IKZF1: variants seen among roughly 807,000 people sequenced by gnomAD.
IKZF1 encodes DNA-binding protein Ikaros.
A neutral mutation model predicts 51.7 loss-of-function variants in IKZF1; 10 were observed. The ratio of observed to expected loss-of-function variants is 0.19; its 90% CI spans 0.12 to 0.33. The LOEUF (loss-of-function observed/expected upper bound fraction) is 0.33. Among genes scored for constraint, IKZF1 ranks in the 10% least tolerant of loss-of-function variants. IKZF1 has a pLI of 1.00. For missense variants in IKZF1, 484 were observed against 707.5 expected (o/e 0.68, Z 3.58); for synonymous variants, 280 against 282.3 (o/e 0.99, Z 0.08).
At chr7:50,359,447 T>C (rs1804555969) in intron 3 of IKZF1, among the ~76,000 whole-genome samples, 1 of 152,146 alleles carries the variant, frequency 6.6e-6, no homozygotes, top group Non-Finnish European at 1.5e-5. Flanking sequence ...CGGGGGAATG[T>C]GCGCAGAGTG....
intron 3 of IKZF1, among the ~76,000 whole-genome samples, chr7:50,364,700 C>G (rs1002248486): frequency 6.6e-6 from 1 of 152,204 alleles, no homozygotes; most frequent in African/African-American, 2.4e-5. Context: ...TTGCAGCTTG[C>G]CAGAAGCAAT....
At chr7:50,315,921 A>G (rs921605523) in intron 1 of IKZF1, among the ~76,000 whole-genome samples, 2 of 152,220 alleles carry the variant, frequency 1.3e-5, no homozygotes, top group Non-Finnish European at 2.9e-5. Context: ...GAAGTGATGC[A>G]CGTGCTAACA....
At chr7:50,329,602 T>C (rs905582736) in intron 3 of IKZF1, among the ~76,000 whole-genome samples, 1 of 152,178 alleles carries the variant, frequency 6.6e-6, no homozygotes, top group Non-Finnish European at 1.5e-5. Flanking sequence ...TTTGCAAAAG[T>C]GGCACAGGAA....
chr7:50,338,711 T>G (rs1179532605), intron 3 of IKZF1, among the ~76,000 whole-genome samples: 1 of 152,232 alleles, frequency 6.6e-6, no homozygotes, highest in Non-Finnish European at 1.5e-5. Flanking sequence ...TTAGACTAAA[T>G]GAAAGCTCTT....
intron 2 of IKZF1, among the ~76,000 whole-genome samples, chr7:50,322,634 T>C (rs1429427689): frequency 1.3e-5 from 2 of 152,210 alleles, no homozygotes; most frequent in Non-Finnish European, 2.9e-5. Context: ...AAAGCGTATT[T>C]TTCTTCCTTT....
intron 3 of IKZF1, among the ~76,000 whole-genome samples, chr7:50,360,028 G>A (rs1241684331): frequency 6.6e-6 from 1 of 152,162 alleles, no homozygotes; most frequent in African/African-American, 2.4e-5. Flanking sequence ...AAAGTGTGCA[G>A]GACTGTACCC....
intron 7 of IKZF1, among the ~76,000 whole-genome samples, chr7:50,399,542 C>T (rs1387752916): frequency 6.6e-6 from 1 of 152,032 alleles, no homozygotes; most frequent in African/African-American, 2.4e-5. Context: ...GAACACTCTA[C>T]TGAAAAAGCA....
rs564476264 is a variant in IKZF1, at chr7:50,400,153, C to T, written c.1086C>T (p.Asn362=). The change falls in exon 8 of 8, where the codon AAC becomes AAT. Residue 362 remains asparagine, a synonymous_variant. Transcript: ENST00000331340. This position sits in a 1 kb window ranked among gnomAD's most constrained non-coding sequence, Gnocchi z 5.4. ...TCGCGGAGGGCACCCCGCGCTCCAA[C>T]CACTCGGCCCAGGACAGCGCCGTGG... ...KPLAEGTPRS[N]HSAQDSAVEN... is the part of the protein sequence containing the mutation. The T allele has an allele frequency of 3.4e-5, 53 of 1,562,462 alleles. 1 individual carries two copies. The African/African-American group carries it at 5.6e-4, about 16-fold the overall frequency.
intron 3 of IKZF1, among the ~76,000 whole-genome samples, chr7:50,371,508 G>A (rs1808665502): frequency 6.6e-6 from 1 of 152,248 alleles, no homozygotes; most frequent in African/African-American, 2.4e-5. Context: ...AGGCATATTG[G>A]TGGAGGCTGT....
intron 1 of IKZF1, among the ~76,000 whole-genome samples, chr7:50,309,344 AAG>A (rs1171746641): frequency 2.6e-5 from 4 of 152,142 alleles, no homozygotes. Flanking sequence ...ATGCAGTAAA[AAG>A]AGGGGATCCA....
In IKZF1 at chr7:50,391,838, G is replaced by A. The variant is rs1064796324; in HGVS notation, c.825G>A (p.Lys275=). 2.5e-6 allele frequency: 4 copies of A among 1,613,654 alleles called. No homozygotes were observed. Among genetic ancestry groups the A allele is most frequent in the Non-Finnish European group, 3.4e-6 (4 of 1,179,752 alleles). Residue 275 remains lysine, a synonymous_variant, in exon 7 of 8, where the codon AAG becomes AAA. Coordinates refer to ENST00000331340, the MANE Select transcript of IKZF1 (RefSeq NM_006060.6). Reference sequence around the variant, plus strand: ...TAGCAAGTAACGTCGCCAAACGTAAGAGCTCTATGCCTCAGAAATTTCTTG... The same window carrying A: ...TAGCAAGTAACGTCGCCAAACGTAAAAGCTCTATGCCTCAGAAATTTCTTG... ...DRLASNVAKR[K]SSMPQKFLGD...
At position 50,317,743 on chromosome 7, in the gene IKZF1, C is replaced by A. The variant is rs371390589; in HGVS notation, c.-14-1305C>A. On this transcript the variant is annotated intron_variant, in intron 1 of 7. Coordinates refer to ENST00000331340, the MANE Select transcript of IKZF1 (RefSeq NM_006060.6). ...ATTCCTGAAATTGAAAATACATATT[C>A]CATATGTACCATAAAAGGTATTAAA... is the stretch of plus-strand genomic sequence containing the variant. Among the ~76,000 whole-genome samples the A allele has an allele frequency of 2.0e-3, 302 of 152,192 alleles. 2 individuals are homozygous for A. Among genetic ancestry groups the A allele is most frequent in the South Asian group, 0.01 (49 of 4,814 alleles).
At chr7:50,375,014 G>A (rs1300350002) in intron 3 of IKZF1, among the ~76,000 whole-genome samples, 1 of 152,016 alleles carries the variant, frequency 6.6e-6, no homozygotes, top group African/African-American at 2.4e-5. Flanking sequence ...GAGTTCCTGA[G>A]CCTGCAACTC....
intron 3 of IKZF1, among the ~76,000 whole-genome samples, chr7:50,346,648 A>C (rs1444986777): frequency 6.6e-6 from 1 of 152,156 alleles, no homozygotes; most frequent in Non-Finnish European, 1.5e-5. Flanking sequence ...TGGTCTTTCC[A>C]GGGAATGCAG....
intron 3 of IKZF1, chr7:50,328,082 G>A (rs908811552): frequency 4.5e-5 from 10 of 221,610 alleles, no homozygotes; most frequent in East Asian, 9.9e-5. Flanking sequence ...ATTGTAGATC[G>A]TGAAAATTAC....
At chr7:50,363,550 C>G (rs971634137) in intron 3 of IKZF1, among the ~76,000 whole-genome samples, 1 of 152,216 alleles carries the variant, frequency 6.6e-6, no homozygotes, top group African/African-American at 2.4e-5. Context: ...CTCTGTGTCC[C>G]TGGGTCCCAC....
At chr7:50,350,494 T>C (rs1189687296) in intron 3 of IKZF1, among the ~76,000 whole-genome samples, 1 of 152,138 alleles carries the variant, frequency 6.6e-6, no homozygotes, top group African/African-American at 2.4e-5. Context: ...TGAAAGAGAG[T>C]TTGCTGCAGG....
At chr7:50,392,744 G>A (rs765183502) in intron 7 of IKZF1, among the ~76,000 whole-genome samples, 1 of 152,198 alleles carries the variant, frequency 6.6e-6, no homozygotes, top group Non-Finnish European at 1.5e-5. Flanking sequence ...AGCTTCATGA[G>A]GCTGAGATGC....
intron 3 of IKZF1, among the ~76,000 whole-genome samples, chr7:50,332,806 T>C (rs1796703512): frequency 1.3e-5 from 2 of 152,056 alleles, no homozygotes; most frequent in African/African-American, 4.8e-5. Flanking sequence ...GACACATGAG[T>C]TTGAATATAG....
Sources: allele counts gnomAD v4.1 joint callset (sites outside exome capture counted in the v4.1 genomes callset), GRCh38; gene constraint gnomAD v4.1.1; non-coding constraint Gnocchi (gnomAD v3.1); transcripts MANE v1.5; gene names NCBI Gene and HGNC (gene_info 2026-07-23, HGNC 2026-07-21).